Variants in CAMSAP1 observed in about 807,000 individuals in gnomAD.
The protein encoded by CAMSAP1 is calmodulin-regulated spectrin-associated protein 1.
In CAMSAP1, 58 loss-of-function variants were observed where a neutral mutation model predicts 143.5. The observed-to-expected ratio is 0.40, with a 90% CI of 0.33 to 0.50. The LOEUF (loss-of-function observed/expected upper bound fraction) is 0.50, where lower values mean the gene tolerates loss of function less well. CAMSAP1 is among the 20% of genes least tolerant of loss of function. CAMSAP1 has a pLI of 0.45. For synonymous variants in CAMSAP1, 945 were observed against 859.3 expected, an observed-to-expected ratio of 1.10 and a Z score of -1.74; for missense variants, 1,969 against 2,115.7, an observed-to-expected ratio of 0.93 and a Z score of 1.36.
rs375669144 is a variant in CAMSAP1 at position 135,815,136 on chromosome 9, A to G, written c.4467T>C (p.Ala1489=). 14 of 1,613,780 alleles carry G rather than the reference A, an allele frequency of 8.7e-6. No homozygotes were observed. The highest frequency in any genetic ancestry group is 1.1e-5 in the Non-Finnish European group (13 of 1,179,844). The change falls in exon 16 of 17, where the codon GCT becomes GCC. Residue 1489 remains alanine, a synonymous_variant. Coordinates refer to ENST00000389532, the MANE Select transcript of CAMSAP1 (RefSeq NM_015447.4). ...TCTTGTGGGGTTCGTTCACTTTTCCAGCCAGGCAGCAATGGGATATGGCAT... is the reference window on the plus strand; with the variant it reads ...TCTTGTGGGGTTCGTTCACTTTTCCGGCCAGGCAGCAATGGGATATGGCAT... ...IHNAISHCCL[A]GKVNEPHKNS...
chr9:135,838,375 A>C (rs1836196447), intron 7 of CAMSAP1, among the ~76,000 whole-genome samples: 1 of 147,078 alleles, frequency 6.8e-6, no homozygotes, highest in Admixed American at 6.8e-5. Flanking sequence ...ACATGTCATC[A>C]CGCACTTTCC....
intron 7 of CAMSAP1, among the ~76,000 whole-genome samples, chr9:135,833,927 C>T (rs1305115863): frequency 6.6e-6 from 1 of 152,192 alleles, no homozygotes; most frequent in East Asian, 1.9e-4. Flanking sequence ...AAGAGGTTAA[C>T]ATCCAAAATA....
At chr9:135,829,736 C>T (rs1835791939) in intron 7 of CAMSAP1, among the ~76,000 whole-genome samples, 1 of 151,954 alleles carries the variant, frequency 6.6e-6, no homozygotes, top group Non-Finnish European at 1.5e-5. Context: ...ACCTGTAGTC[C>T]CAGCTACTCA....
chr9:135,906,399 G>A (rs531112552), intron 1 of CAMSAP1, among the ~76,000 whole-genome samples: 134 of 152,352 alleles, frequency 8.8e-4, no homozygotes, highest in African/African-American at 3.1e-3. Flanking sequence ...CGAAACAGAA[G>A]CGTCTTAATC....
At chr9:135,836,430 C>T (rs1027800198) in intron 7 of CAMSAP1, 14 of 984,878 alleles carry the variant, frequency 1.4e-5, no homozygotes, top group African/African-American at 1.8e-5. Context: ...AGACACGTCA[C>T]CACACACTTT....
intron 14 of CAMSAP1, among the ~76,000 whole-genome samples, chr9:135,816,372 T>C (rs1835230812): frequency 6.6e-6 from 1 of 152,130 alleles, no homozygotes; most frequent in Admixed American, 6.5e-5. Flanking sequence ...TTGGGCCACC[T>C]GTGCTGCTGC....
chr9:135,834,497 T>A (rs374920246), intron 7 of CAMSAP1, among the ~76,000 whole-genome samples: 1 of 152,200 alleles, frequency 6.6e-6, no homozygotes, highest in Non-Finnish European at 1.5e-5. Flanking sequence ...TTGTCATTTG[T>A]GACAACACAG....
Position 135,820,199 on chromosome 9 carries a change from G to C in CAMSAP1, c.3822+640C>G, listed in dbSNP as rs1588442941. Among the ~76,000 whole-genome samples the C allele has an allele frequency of 6.6e-6, 1 of 152,160 alleles. No individual in the cohort carries two copies. The highest frequency in any genetic ancestry group is 1.9e-4 in the East Asian group (1 of 5,196). ...TGTACCCAATACTGTAAGTAACTGT[G>C]TATCAAAATCTATCTAAACATTGAA... On this transcript the variant is annotated intron_variant, in intron 11 of 16. Transcript: ENST00000389532. This position sits in a 1 kb window ranked among gnomAD's most constrained non-coding sequence, Gnocchi z 4.4.
Position 135,822,503 on chromosome 9 carries a change from A to C in CAMSAP1, c.2158T>G (p.Ser720Ala), listed in dbSNP as rs961860381. ...DTEGRLYVSC[S>A]KSPNSHDSEP... ...GAATCGTGGGAGTTGGGGCTTTTTG[A>C]ACAACTAACATATAACCTTCCCTCG... Residue 720 changes from serine (S) to alanine (A), a missense_variant, in exon 11 of 17, where the codon TCA becomes GCA. Physicochemically the swap from Ser to Ala is moderately conservative, Grantham distance 99 (BLOSUM62 1). Transcript: ENST00000389532. This position sits in a 1 kb window ranked among gnomAD's most constrained non-coding sequence, Gnocchi z 6.1. The C allele has an allele frequency of 1.9e-6, 3 of 1,613,688 alleles. No individual in the cohort carries two copies. Among genetic ancestry groups the C allele is most frequent in the Non-Finnish European group, 2.5e-6 (3 of 1,179,870 alleles).
intron 7 of CAMSAP1, among the ~76,000 whole-genome samples, chr9:135,843,447 T>A (rs553123177): frequency 1.3e-5 from 2 of 152,186 alleles, no homozygotes; most frequent in South Asian, 2.1e-4. Flanking sequence ...TGGAGGAACA[T>A]TTACCAAGCA....
rs569156916 is a variant in CAMSAP1 at position 135,907,181 on chromosome 9, G to A, written c.-22C>T. 1.9e-4 allele frequency: 206 copies of A among 1,073,216 alleles called. 1 individual carries two copies. The highest frequency in any genetic ancestry group is 1.3e-3 in the African/African-American group (78 of 58,638). 66.5% of individuals were successfully genotyped at this position (1,073,216 alleles called of 1,614,324 possible). ...CCATCTGCAGACAAAGGGCTGAGGC[G>A]GCGGCCCGGCCGCAACAAAGGCGCC... is the stretch of plus-strand genomic sequence containing the variant. On this transcript the variant is annotated 5_prime_UTR_variant, in exon 1 of 17. Coordinates refer to ENST00000389532, the MANE Select transcript of CAMSAP1 (RefSeq NM_015447.4).
chr9:135,821,820 A>G lies in CAMSAP1; in HGVS notation c.2841T>C (p.Cys947=). The G allele has an allele frequency of 6.2e-7, 1 of 1,613,900 alleles. No homozygotes were observed. The highest frequency in any genetic ancestry group is 8.5e-7 in the Non-Finnish European group (1 of 1,179,878). Residue 947 remains cysteine (C), a synonymous_variant, in exon 11 of 17, where the codon TGT becomes TGC. Coordinates refer to ENST00000389532, the MANE Select transcript of CAMSAP1 (RefSeq NM_015447.4). This position sits in a 1 kb window ranked among gnomAD's most constrained non-coding sequence, Gnocchi z 4.6. ...KEYSQHNGED[C]GDAVSKTEDF... is the part of the protein sequence containing the mutation. The stretch of plus-strand genomic sequence containing the variant: ...CTTCGGTTTTGGAAACAGCGTCCCC[A>G]CAGTCCTCCCCGTTGTGCTGAGAGT...
At position 135,824,855 on chromosome 9, in the gene CAMSAP1, G is replaced by T; in HGVS notation, c.1249C>A (p.Pro417Thr). Residue 417 changes from proline to threonine, a missense_variant, in exon 9 of 17, where the codon CCA becomes ACA. This residue lies in a region of CAMSAP1 where 1,390 missense variants were observed against 1,420.8 expected (regional missense o/e 0.98). Coordinates refer to ENST00000389532, the MANE Select transcript of CAMSAP1 (RefSeq NM_015447.4). This position sits in a 1 kb window ranked among gnomAD's most constrained non-coding sequence, Gnocchi z 4.1. ...CTCAGTGGCAATAAAGGATGGGATG[G>T]GCTGAAGGCAGCAGTTCCTTTCCCG... ...YLGKGTAAFS[P>T]SHPLLPLRQK... is the part of the protein sequence containing the mutation. The T allele has an allele frequency of 6.2e-7, 1 of 1,601,034 alleles. No homozygotes were observed. Among genetic ancestry groups the T allele is most frequent in the Non-Finnish European group, 8.5e-7 (1 of 1,173,742 alleles).
intron 5 of CAMSAP1, among the ~76,000 whole-genome samples, chr9:135,860,540 G>A (rs1313896081): frequency 6.9e-6 from 1 of 145,866 alleles, no homozygotes; most frequent in Non-Finnish European, 1.5e-5. Context: ...GGAGGTTGCA[G>A]TGAGCCAAGA....
intron 5 of CAMSAP1, among the ~76,000 whole-genome samples, chr9:135,855,443 T>C (rs1287528362): frequency 2.0e-5 from 3 of 152,120 alleles, no homozygotes; most frequent in Non-Finnish European, 2.9e-5. Context: ...ATTTTAAAAT[T>C]TGTATTTTAC....
intron 5 of CAMSAP1, among the ~76,000 whole-genome samples, chr9:135,859,379 T>C (rs889948460): frequency 2.0e-5 from 3 of 152,224 alleles, no homozygotes; most frequent in Non-Finnish European, 2.9e-5. Flanking sequence ...CCATTTCTCC[T>C]TGTAACTCTG....
At position 135,818,251 on chromosome 9, in the gene CAMSAP1, A is replaced by G. The variant is rs779833651; in HGVS notation, c.4168+157T>C. On this transcript the variant is annotated intron_variant, in intron 13 of 16. Coordinates refer to ENST00000389532, the MANE Select transcript of CAMSAP1 (RefSeq NM_015447.4). The surrounding 1 kb of genome is among the most constrained non-coding windows in gnomAD (Gnocchi z 7.7). The stretch of plus-strand genomic sequence containing the variant: ...CTGGATGTGCCGCACATCTCAGAGC[A>G]TCTGGTCTCAACATTGTCATCCATG... 7 of 1,095,576 alleles carry G rather than the reference A, an allele frequency of 6.4e-6. No homozygotes were observed. The highest frequency in any genetic ancestry group is 1.6e-5 in the African/African-American group (1 of 63,892). The allele number at this position is 1,095,576 out of a possible 1,614,324, so 67.9% of individuals were successfully genotyped here.
At chr9:135,885,958 G>A (rs1027471598) in intron 1 of CAMSAP1, among the ~76,000 whole-genome samples, 4 of 152,048 alleles carry the variant, frequency 2.6e-5, no homozygotes, top group Admixed American at 6.6e-5. Context: ...CTCAGACACT[G>A]CACTTGTCCA....
intron 1 of CAMSAP1, among the ~76,000 whole-genome samples, chr9:135,890,691 T>A (rs772681872): frequency 6.6e-6 from 1 of 152,144 alleles, no homozygotes; most frequent in Non-Finnish European, 1.5e-5. Context: ...GGTGACCAGA[T>A]CTGTTCCTGT....
Sources: allele counts gnomAD v4.1 joint callset (sites outside exome capture counted in the v4.1 genomes callset), GRCh38; gene constraint gnomAD v4.1.1; regional missense constraint gnomAD v4.1.1; non-coding constraint Gnocchi (gnomAD v3.1); transcripts MANE v1.5; gene names NCBI Gene and HGNC (gene_info 2026-07-23, HGNC 2026-07-21).